ZNF664: variants seen among roughly 807,000 people sequenced by gnomAD.
The protein encoded by ZNF664 is zinc finger protein 664, also known as zinc finger Organ of Corti 1.
A neutral mutation model predicts 18.2 loss-of-function variants in ZNF664; 10 were observed. The ratio of observed to expected loss-of-function variants is 0.55; its 90% CI spans 0.34 to 0.93. The LOEUF (loss-of-function observed/expected upper bound fraction) is 0.93. Among genes scored for constraint, ZNF664 ranks in the 40% least tolerant of loss-of-function variants. ZNF664 has a pLI of 0.02. For missense variants in ZNF664, 193 were observed against 319.0 expected, an observed-to-expected ratio of 0.61 and a Z score of 3.01; for synonymous variants, 119 against 104.2, an observed-to-expected ratio of 1.14 and a Z score of -0.86.
chr12:124,004,074 A>G (rs1042636920), intron 3 of ZNF664, among the ~76,000 whole-genome samples: 2 of 152,228 alleles, frequency 1.3e-5, no homozygotes, highest in Non-Finnish European at 2.9e-5. Flanking sequence ...GTGCAAGCCT[A>G]CTGCATGAAG....
rs927633656 is a variant in ZNF664, at chr12:124,011,813, C to T, written c.-332C>T. 93 of 1,125,198 alleles carry T rather than the reference C, an allele frequency of 8.3e-5. No homozygotes were observed. The highest frequency in any genetic ancestry group is 8.8e-5 in the Non-Finnish European group (81 of 923,418). 69.7% of individuals were successfully genotyped at this position (1,125,198 alleles called of 1,614,324 possible). ...GAGGAAGATTCCAGGGGCTCAAAAACGCAAAGGTTTGCACTTTGAGAGCCC... is the reference window on the plus strand; with the variant it reads ...GAGGAAGATTCCAGGGGCTCAAAAATGCAAAGGTTTGCACTTTGAGAGCCC... On this transcript the variant is annotated 5_prime_UTR_variant, in exon 5 of 5. It adds an upstream start codon to the 5' untranslated region. Coordinates refer to ENST00000337815, the MANE Select transcript of ZNF664 (RefSeq NM_152437.3).
chr12:124,010,960 C>T (rs1957129473), intron 3 of ZNF664, among the ~76,000 whole-genome samples: 1 of 152,032 alleles, frequency 6.6e-6, no homozygotes, highest in South Asian at 2.1e-4. Flanking sequence ...AAGCCAGAGG[C>T]AGGAAGCACA....
intron 2 of ZNF664, 97 bp downstream of exon 2, chr12:123,974,117 C>T (rs1368582702): frequency 1.1e-6 from 1 of 926,708 alleles, no homozygotes. Flanking sequence ...TCTCACTGTC[C>T]CCGGCTTCTC....
At chr12:124,001,100 A>G (rs2138419006) in intron 3 of ZNF664, among the ~76,000 whole-genome samples, 1 of 152,278 alleles carries the variant, frequency 6.6e-6, no homozygotes, top group South Asian at 2.1e-4. Flanking sequence ...AGTTATTCAA[A>G]TAAAAGACCT....
At chr12:123,976,688 C>G (rs994255803) in intron 2 of ZNF664, among the ~76,000 whole-genome samples, 8 of 151,858 alleles carry the variant, frequency 5.3e-5, no homozygotes, top group African/African-American at 1.9e-4. Context: ...ACCAGGTTGG[C>G]CATCTCAGAG....
Position 124,011,626 on chromosome 12 carries a change from A to G in ZNF664, c.-519A>G. The G allele has an allele frequency of 9.9e-7, 1 of 1,005,498 alleles. No homozygotes were observed. The highest frequency in any genetic ancestry group is 5.0e-4 in the Middle Eastern group (1 of 1,996). The allele number at this position is 1,005,498 out of a possible 1,614,324, so 62.3% of individuals were successfully genotyped here. On this transcript the variant is annotated 5_prime_UTR_variant, in exon 5 of 5. Coordinates refer to ENST00000337815, the MANE Select transcript of ZNF664 (RefSeq NM_152437.3). Reference sequence around the variant, plus strand: ...GACCCCGAGGAGCCTGCTTGCTGGAAAGGCTTTCCTGTCTGATGTGCAGGA... The same window carrying G: ...GACCCCGAGGAGCCTGCTTGCTGGAGAGGCTTTCCTGTCTGATGTGCAGGA...
chr12:124,010,858 A>T (rs1957127975), intron 3 of ZNF664, among the ~76,000 whole-genome samples: 1 of 152,108 alleles, frequency 6.6e-6, no homozygotes, highest in East Asian at 1.9e-4. Flanking sequence ...GCTCTGCACA[A>T]AGTAGGGGAG....
At chr12:123,980,843 C>T (rs969642827) in intron 2 of ZNF664, among the ~76,000 whole-genome samples, 16 of 152,268 alleles carry the variant, frequency 1.1e-4, no homozygotes, top group African/African-American at 3.9e-4. Context: ...GCCAAGATTA[C>T]ATGTACCTGT....
intron 2 of ZNF664, among the ~76,000 whole-genome samples, chr12:123,984,577 C>A (rs1956802520): frequency 6.6e-6 from 1 of 151,660 alleles, no homozygotes; most frequent in Non-Finnish European, 1.5e-5. Context: ...AGGGAAGAAA[C>A]AAGCACAGAA....
At chr12:123,978,874 T>C (rs767083845) in intron 2 of ZNF664, among the ~76,000 whole-genome samples, 2 of 152,206 alleles carry the variant, frequency 1.3e-5, no homozygotes, top group Non-Finnish European at 2.9e-5. Flanking sequence ...GAATTTAGTA[T>C]ATGATAAAGT....
chr12:124,005,483 A>AGTG (rs1555272955), intron 3 of ZNF664, among the ~76,000 whole-genome samples: 2 of 142,814 alleles, frequency 1.4e-5, no homozygotes, highest in Admixed American at 7.0e-5. Flanking sequence ...AATTTATAGA[A>AGTG]TGTGTGTGTG....
In ZNF664 at chr12:124,013,601, G is replaced by C. The variant is rs1437118321; in HGVS notation, c.*671G>C. The C allele has an allele frequency of 1.2e-5, 2 of 167,408 alleles. No homozygotes were observed. The highest frequency in any genetic ancestry group is 3.8e-4 in the East Asian group (2 of 5,208). The allele number at this position is 167,408 out of a possible 1,614,324, so 10.4% of individuals were successfully genotyped here. A position where few individuals can be genotyped will look rare whatever the true frequency, so the allele number is the denominator to read the frequency against. ...ATATGTCCTTGAACCTTTTTTATTT[G>C]TGTGGATTCTGCTCATCACTGTCTC... On this transcript the variant is annotated 3_prime_UTR_variant, in exon 5 of 5. Coordinates refer to ENST00000337815, the MANE Select transcript of ZNF664 (RefSeq NM_152437.3).
chr12:124,008,305 A>C (rs560456408), intron 3 of ZNF664, among the ~76,000 whole-genome samples: 1 of 152,214 alleles, frequency 6.6e-6, no homozygotes. Context: ...GTCTTTTGAC[A>C]AGAATGTCTT....
intron 2 of ZNF664, among the ~76,000 whole-genome samples, chr12:123,983,497 C>A (rs1956790696): frequency 1.3e-5 from 2 of 152,144 alleles, no homozygotes; most frequent in African/African-American, 4.8e-5. Flanking sequence ...TAGGTTATTT[C>A]CATATCTTAT....
intron 3 of ZNF664, among the ~76,000 whole-genome samples, chr12:124,007,601 A>G (rs1957087735): frequency 6.6e-6 from 1 of 152,222 alleles, no homozygotes; most frequent in South Asian, 2.1e-4. Context: ...CGGGGATTAT[A>G]TTCGTTTCAG....
intron 3 of ZNF664, among the ~76,000 whole-genome samples, chr12:124,006,841 G>A (rs147848680): frequency 6.6e-6 from 1 of 152,166 alleles, no homozygotes; most frequent in East Asian, 1.9e-4. Context: ...CAGAAAGAGG[G>A]ACTTGCAGTC....
chr12:123,978,944 CTTTA>C (rs879772843), intron 2 of ZNF664, among the ~76,000 whole-genome samples: 3 of 152,072 alleles, frequency 2.0e-5, no homozygotes, highest in East Asian at 1.9e-4. Context: ...ATAAGTGGCT[CTTTA>C]TTTAGAAAGA....
At chr12:124,010,681 A>G (rs1374069855) in intron 3 of ZNF664, among the ~76,000 whole-genome samples, 2 of 152,260 alleles carry the variant, frequency 1.3e-5, no homozygotes, top group Non-Finnish European at 2.9e-5. Context: ...CAACGCACAC[A>G]GTTCCTCCTT....
rs114970679 is a variant in ZNF664 at position 124,000,977 on chromosome 12, G to T, written c.-660-10404G>T. Among the ~76,000 whole-genome samples, 205 of 152,152 alleles carry T rather than the reference G, an allele frequency of 1.3e-3. 2 individuals are homozygous for T. Among genetic ancestry groups the T allele is most frequent in the African/African-American group, 4.7e-3 (195 of 41,504 alleles). ...TTCCATCCATCTAGCTGCTGTCCTT[G>T]ACATCGACTTTTGGATATCATGAGC... On this transcript the variant is annotated intron_variant, in intron 3 of 4. Transcript: ENST00000337815.
Sources: allele counts gnomAD v4.1 joint callset (sites outside exome capture counted in the v4.1 genomes callset), GRCh38; gene constraint gnomAD v4.1.1; transcripts MANE v1.5; gene names NCBI Gene and HGNC (gene_info 2026-07-23, HGNC 2026-07-21).